ABCA12: variants seen among roughly 807,000 people sequenced by gnomAD.
The protein encoded by ABCA12 is ATP binding cassette subfamily A member 12.
In ABCA12, 156 loss-of-function variants were observed where a neutral mutation model predicts 293.5. The observed-to-expected ratio is 0.53, with a 90% CI of 0.47 to 0.61. The LOEUF (loss-of-function observed/expected upper bound fraction) is 0.61. ABCA12 is among the 20% of genes least tolerant of loss of function. ABCA12 has a pLI of 0.00. For synonymous variants in ABCA12, 1,063 were observed against 1,108.0 expected, an observed-to-expected ratio of 0.96 and a Z score of 0.81; for missense variants, 2,797 against 3,090.2, an observed-to-expected ratio of 0.91 and a Z score of 2.25.
intron 11 of ABCA12, chr2:215,020,897 A>G (rs1318570980): frequency 6.6e-6 from 1 of 151,406 alleles, no homozygotes; most frequent in Non-Finnish European, 1.5e-5. Context: ...GAAACAATGG[A>G]GTACATTGGC....
chr2:215,070,718 G>T (rs1193353781), intron 2 of ABCA12, among the ~76,000 whole-genome samples: 2 of 151,618 alleles, frequency 1.3e-5, no homozygotes, highest in African/African-American at 4.8e-5. Context: ...ATTACTCTGG[G>T]TTATTATGGA....
intron 8 of ABCA12, among the ~76,000 whole-genome samples, chr2:215,035,455 G>T (rs1559159249): frequency 6.6e-6 from 1 of 151,850 alleles, no homozygotes; most frequent in South Asian, 2.1e-4. Flanking sequence ...GGATCACGAG[G>T]TCAGGAGTTC....
At chr2:215,050,580 C>A (rs1701300730) in intron 5 of ABCA12, among the ~76,000 whole-genome samples, 1 of 151,948 alleles carries the variant, frequency 6.6e-6, no homozygotes, top group Admixed American at 6.6e-5. Context: ...TTAAGGGGTC[C>A]ATCTTAATAA....
chr2:215,046,202 T>C (rs73072686), intron 6 of ABCA12, among the ~76,000 whole-genome samples, 187 bp from the exon 7 acceptor site: 3,677 of 152,190 alleles, frequency 0.024, 164 homozygotes, highest in African/African-American at 0.084. Context: ...TTAAACATAA[T>C]TGGATCTTTT....
At position 214,974,022 on chromosome 2, in the gene ABCA12, C is replaced by CT. The variant is rs1317463171; in HGVS notation, c.5488dup (p.Ser1830LysfsTer14). The CT allele has an allele frequency of 6.2e-7, 1 of 1,613,834 alleles. No individual in the cohort carries two copies. The highest frequency in any genetic ancestry group is 1.3e-5 in the African/African-American group (1 of 74,914). ...TCCACTGGTGTTCCATTTTTCCAGA[C>CT]TGTCTTTGTTTAAACACTGTCTGCA... On this transcript the variant is annotated frameshift_variant, in exon 36 of 53. Transcript: ENST00000272895. LOFTEE classifies it high-confidence loss of function.
chr2:215,112,521 C>A (rs1575052205), intron 1 of ABCA12, among the ~76,000 whole-genome samples: 3 of 146,414 alleles, frequency 2.0e-5, no homozygotes, highest in Non-Finnish European at 4.5e-5. Flanking sequence ...TTTTTTGAGA[C>A]AGAGTCTTGC....
intron 4 of ABCA12, among the ~76,000 whole-genome samples, chr2:215,053,844 A>G (rs765760557): frequency 5.3e-5 from 8 of 152,066 alleles, no homozygotes; most frequent in South Asian, 2.1e-4. Flanking sequence ...ATATTTGTCA[A>G]TGAATGTTAG....
In ABCA12 at chr2:215,003,553, G is replaced by A. The variant is rs541056072; in HGVS notation, c.2683+656C>T. 1.3e-5 allele frequency among the ~76,000 whole-genome samples: 2 copies of A among 151,960 alleles called. 1 individual carries two copies. Among genetic ancestry groups the A allele is most frequent in the South Asian group, 4.1e-4 (2 of 4,822 alleles). On this transcript the variant is annotated intron_variant, in intron 20 of 52. Transcript: ENST00000272895. ...GAAATAAATAATTTCATTTTCCCTT[G>A]TCCTTAAGGACTTGCATTTCATCAA... is the stretch of plus-strand genomic sequence containing the variant.
chr2:215,019,238 A>C, intron 13 of ABCA12, 98 bp downstream of exon 13: 1 of 1,074,296 alleles, frequency 9.3e-7, no homozygotes, highest in Non-Finnish European at 1.4e-6. Context: ...TAGCAAAGCG[A>C]GTTTGGTTGG....
intron 3 of ABCA12, among the ~76,000 whole-genome samples, chr2:215,060,658 A>G (rs1701510654): frequency 6.6e-6 from 1 of 152,200 alleles, no homozygotes; most frequent in East Asian, 1.9e-4. Flanking sequence ...AATTAATACA[A>G]GAAGAGACCT....
chr2:215,088,311 G>C (rs1466968734), intron 2 of ABCA12, among the ~76,000 whole-genome samples: 1 of 152,178 alleles, frequency 6.6e-6, no homozygotes, highest in South Asian at 2.1e-4. Context: ...GGTTTCAAGA[G>C]ACATTTGGAA....
intron 14 of ABCA12, chr2:215,017,640 C>CTTT (rs1220749816): frequency 1.2e-4 from 18 of 156,450 alleles, no homozygotes; most frequent in Non-Finnish European, 1.7e-4. Flanking sequence ...GAATATAATT[C>CTTT]TTTTTTTTTT....
chr2:214,945,728 A>G (rs183945875), intron 48 of ABCA12, among the ~76,000 whole-genome samples: 1 of 152,330 alleles, frequency 6.6e-6, no homozygotes, highest in East Asian at 1.9e-4. Flanking sequence ...ACAGGTTTTG[A>G]CAGATGGTTA....
chr2:215,060,961 G>C (rs1023940921), intron 3 of ABCA12, among the ~76,000 whole-genome samples: 4 of 152,012 alleles, frequency 2.6e-5, no homozygotes, highest in Non-Finnish European at 4.4e-5. Context: ...ACTGCCCCCA[G>C]GATCTCAGGA....
At chr2:215,016,815 G>A (rs1234619107) in intron 14 of ABCA12, among the ~76,000 whole-genome samples, 1 of 151,824 alleles carries the variant, frequency 6.6e-6, no homozygotes, top group African/African-American at 2.4e-5. Context: ...GTATGATTAC[G>A]CAAAATAAGA....
At position 214,972,872 on chromosome 2, in the gene ABCA12, A is replaced by G. The variant is rs577373422; in HGVS notation, c.5562+1077T>C. Among the ~76,000 whole-genome samples, 5 of 152,214 alleles carry G rather than the reference A, an allele frequency of 3.3e-5. No homozygotes were observed. The East Asian group carries it at 9.6e-4, about 29-fold the overall frequency. ...TTAAGACTAATTTTTTTTTCCACCC[A>G]GGCTGGAGTGCAGTGGTACAGCCTT... On this transcript the variant is annotated intron_variant, in intron 36 of 52. Transcript: ENST00000272895.
chr2:215,001,875 C>G (rs1409610), intron 20 of ABCA12, 138 bp from the exon 21 acceptor site: 777,121 of 778,026 alleles, frequency 1, 388,115 homozygotes, highest in East Asian at 1. Flanking sequence ...CTAAAAATAT[C>G]TAGTATTCTA....
At chr2:215,015,698 A>C (rs768765264) in intron 14 of ABCA12, 35 bp from the exon 15 acceptor site, 1 of 1,597,498 alleles carries the variant, frequency 6.3e-7, no homozygotes, top group South Asian at 1.1e-5. Flanking sequence ...TTCAACTGTG[A>C]ATCATTCGAG....
rs772995028 is a variant in ABCA12, at chr2:215,064,058, G to T, written c.317+8C>A. 2 of 1,612,442 alleles carry T rather than the reference G, an allele frequency of 1.2e-6. No individual in the cohort carries two copies. Among genetic ancestry groups the T allele is most frequent in the Admixed American group, 1.7e-5 (1 of 59,902 alleles). ...GAACAATTGAACACACTTGAGAAGT[G>T]CCCCCACCTGTCTTTAAATAGTGCA... On this transcript the variant is annotated splice_region_variant and intron_variant, in intron 3 of 52. Transcript: ENST00000272895.
Sources: gnomAD v4.1 joint callset for allele counts (sites outside exome capture counted in the v4.1 genomes callset) on GRCh38, gnomAD v4.1.1 for gene constraint, MANE v1.5 for transcripts, NCBI Gene and HGNC (gene_info 2026-07-23, HGNC 2026-07-21) for gene names.